CPNE8: variants seen among roughly 807,000 people sequenced by gnomAD.
The protein encoded by CPNE8 is copine 8.
A neutral mutation model predicts 81.5 loss-of-function variants in CPNE8; 45 were observed. The observed-to-expected ratio is 0.55, with a 90% CI of 0.44 to 0.71. CPNE8 has a LOEUF of 0.71. Among genes scored for constraint, CPNE8 ranks in the 30% least tolerant of loss-of-function variants. The probability of loss-of-function intolerance (pLI) is 0.00; values close to 1 mark genes in which losing one functional copy is unlikely to be tolerated. For synonymous variants in CPNE8, 252 were observed against 226.3 expected, an observed-to-expected ratio of 1.11 and a Z score of -1.02; for missense variants, 594 against 672.1, an observed-to-expected ratio of 0.88 and a Z score of 1.28.
Position 38,772,840 on chromosome 12 carries a change from C to T in CPNE8, c.471+3398G>A, listed in dbSNP as rs192756817. Among the ~76,000 whole-genome samples the T allele has an allele frequency of 3.0e-3, 452 of 152,098 alleles. 1 individual carries two copies. Among genetic ancestry groups the T allele is most frequent in the African/African-American group, 0.01 (428 of 41,514 alleles). On this transcript the variant is annotated intron_variant, in intron 7 of 19. Coordinates refer to ENST00000331366, the MANE Select transcript of CPNE8 (RefSeq NM_153634.3). ...CTCCCATGTTTATTCTAGCATTATA[C>T]ACAAATAAGTCAAGATATTGAAGCA...
At chr12:38,869,621 T>A (rs1943961707) in intron 3 of CPNE8, among the ~76,000 whole-genome samples, 4 of 152,202 alleles carry the variant, frequency 2.6e-5, no homozygotes, top group Admixed American at 2.6e-4. Flanking sequence ...AAAATGCTTG[T>A]CTCTTGCATT....
At chr12:38,834,518 A>G (rs1056533383) in intron 5 of CPNE8, among the ~76,000 whole-genome samples, 3 of 152,114 alleles carry the variant, frequency 2.0e-5, no homozygotes, top group Admixed American at 6.5e-5. Context: ...TACTACCAAC[A>G]TATATTCCAA....
At chr12:38,839,536 CAG>C in intron 5 of CPNE8, among the ~76,000 whole-genome samples, 1 of 150,650 alleles carries the variant, frequency 6.6e-6, no homozygotes, top group South Asian at 2.1e-4. Context: ...AAAAAAAAAA[CAG>C]AATAACAAAC....
intron 1 of CPNE8, among the ~76,000 whole-genome samples, chr12:38,892,139 G>A (rs1592159921): frequency 6.6e-6 from 1 of 152,184 alleles, no homozygotes; most frequent in East Asian, 1.9e-4. Context: ...AGGCTTCTCA[G>A]GCTGTAGGAA....
intron 6 of CPNE8, among the ~76,000 whole-genome samples, chr12:38,823,190 C>T (rs1487508990): frequency 6.6e-6 from 1 of 152,176 alleles, no homozygotes; most frequent in Non-Finnish European, 1.5e-5. Flanking sequence ...TCCCCTCAAA[C>T]ACTATTCTTC....
At chr12:38,659,933 A>G (rs1458266614) in intron 19 of CPNE8, among the ~76,000 whole-genome samples, 1 of 152,180 alleles carries the variant, frequency 6.6e-6, no homozygotes, top group Non-Finnish European at 1.5e-5. Flanking sequence ...CTTCAAGGAG[A>G]ACTACAAACC....
intron 19 of CPNE8, among the ~76,000 whole-genome samples, chr12:38,664,133 T>A (rs1939014887): frequency 6.6e-6 from 1 of 152,112 alleles, no homozygotes; most frequent in Admixed American, 6.6e-5. Context: ...GAATTTTGAA[T>A]GTGCCCAACA....
rs1565666666 is a variant in CPNE8, at chr12:38,894,696, TCTCTCTCTCTC to T, written c.98+10730_98+10740del. ...CTCTCTCTCTCTCTCTCTCTCTCTC[TCTCTCTCTCTC>T]TCTCATATTCTTTACTTATAGCTTG... is the stretch of plus-strand genomic sequence containing the variant. On this transcript the variant is annotated intron_variant, in intron 1 of 19. Transcript: ENST00000331366. Among the ~76,000 whole-genome samples the T allele has an allele frequency of 3.6e-3, 361 of 101,652 alleles. 2 individuals are homozygous for T. Among genetic ancestry groups the T allele is most frequent in the African/African-American group, 0.011 (339 of 31,696 alleles). 66.7% of individuals were successfully genotyped at this position (101,652 alleles called of 152,430 possible).
At chr12:38,654,692 G>A (rs143158219) in intron 19 of CPNE8, among the ~76,000 whole-genome samples, 72 of 152,004 alleles carry the variant, frequency 4.7e-4, no homozygotes, top group African/African-American at 1.2e-3. Context: ...TGCAGTTTTA[G>A]GTTCTATACC....
intron 1 of CPNE8, among the ~76,000 whole-genome samples, chr12:38,892,142 T>C (rs1944322164): frequency 6.6e-6 from 1 of 152,136 alleles, no homozygotes; most frequent in Admixed American, 6.5e-5. Flanking sequence ...CTTCTCAGGC[T>C]GTAGGAAAGT....
intron 19 of CPNE8, among the ~76,000 whole-genome samples, chr12:38,658,198 A>C (rs1938868696): frequency 6.6e-6 from 1 of 152,150 alleles, no homozygotes; most frequent in African/African-American, 2.4e-5. Flanking sequence ...CGTAGAGAAG[A>C]CCTTAAATGA....
chr12:38,783,090 C>T (rs1290748424), intron 6 of CPNE8, among the ~76,000 whole-genome samples: 1 of 152,088 alleles, frequency 6.6e-6, no homozygotes, highest in Non-Finnish European at 1.5e-5. Context: ...TTTTGAGAGA[C>T]ATAGAATAAT....
chr12:38,692,491 C>T (rs999617982), intron 15 of CPNE8, among the ~76,000 whole-genome samples: 12 of 152,218 alleles, frequency 7.9e-5, no homozygotes, highest in South Asian at 6.2e-4. Flanking sequence ...CTCTGATGAG[C>T]GTTTCCTTTG....
chr12:38,772,039 T>C (rs1941814454), intron 7 of CPNE8, among the ~76,000 whole-genome samples: 1 of 152,198 alleles, frequency 6.6e-6, no homozygotes, highest in African/African-American at 2.4e-5. Flanking sequence ...TAGGTGCTGC[T>C]TTCACAGTCT....
At chr12:38,770,032 G>A (rs1181388776) in intron 7 of CPNE8, among the ~76,000 whole-genome samples, 1 of 152,138 alleles carries the variant, frequency 6.6e-6, no homozygotes, top group Non-Finnish European at 1.5e-5. Context: ...AAATACACTA[G>A]CATCACTGCA....
chr12:38,848,682 AT>A lies in CPNE8; in HGVS notation c.187-21del. On this transcript the variant is annotated intron_variant, in intron 3 of 19. Coordinates refer to ENST00000331366, the MANE Select transcript of CPNE8 (RefSeq NM_153634.3). Reference sequence around the variant, plus strand: ...TCCAAACTGTGGAAAGAGAGAGAGAATTTAAAATTAAACCTTGTACGGCTAC... The same window carrying A: ...TCCAAACTGTGGAAAGAGAGAGAGAATTAAAATTAAACCTTGTACGGCTAC... The A allele has an allele frequency of 6.4e-7, 1 of 1,572,802 alleles. No individual in the cohort carries two copies. The highest frequency in any genetic ancestry group is 8.6e-7 in the Non-Finnish European group (1 of 1,165,176).
At chr12:38,683,473 A>G (rs758431466) in intron 16 of CPNE8, among the ~76,000 whole-genome samples, 3 of 152,166 alleles carry the variant, frequency 2.0e-5, no homozygotes, top group Admixed American at 6.5e-5. Context: ...AGAATTTTAC[A>G]TAAATGGAGG....
At position 38,677,515 on chromosome 12, in the gene CPNE8, C is replaced by A; in HGVS notation, c.1311G>T (p.Val437=). ...SSVKDGSQYF[V]LLIVTDGVIS... The stretch of plus-strand genomic sequence containing the variant: ...TAACACCATCTGTAACAATCAGAAG[C>A]ACAAAATACTGGGAGCCATCCTTTA... The change falls in exon 17 of 20, where the codon GTG becomes GTT. Residue 437 remains valine (V), a synonymous_variant. Coordinates refer to ENST00000331366, the MANE Select transcript of CPNE8 (RefSeq NM_153634.3). The A allele has an allele frequency of 6.2e-7, 1 of 1,612,504 alleles. No homozygotes were observed. Among genetic ancestry groups the A allele is most frequent in the Non-Finnish European group, 8.5e-7 (1 of 1,179,008 alleles).
chr12:38,773,117 A>G (rs907400693), intron 7 of CPNE8, among the ~76,000 whole-genome samples: 4 of 152,100 alleles, frequency 2.6e-5, no homozygotes, highest in African/African-American at 9.7e-5. Flanking sequence ...AGTCAAAATT[A>G]TAGAAGCAGG....
Sources: allele counts gnomAD v4.1 joint callset (sites outside exome capture counted in the v4.1 genomes callset), GRCh38; gene constraint gnomAD v4.1.1; transcripts MANE v1.5; gene names NCBI Gene and HGNC (gene_info 2026-07-23, HGNC 2026-07-21).